Variants in NPR3 observed in about 807,000 individuals in gnomAD.
NPR3 encodes atrial natriuretic peptide receptor 3.
In NPR3, 34 loss-of-function variants were observed where a neutral mutation model predicts 54.5. The observed-to-expected ratio is 0.62, with a 90% CI of 0.47 to 0.83. The LOEUF is 0.83. Among genes scored for constraint, NPR3 ranks in the 40% least tolerant of loss-of-function variants. The pLI is 0.00. For synonymous variants in NPR3, 289 were observed against 297.1 expected (o/e 0.97, Z 0.28); for missense variants, 674 against 720.8 (o/e 0.94, Z 0.74).
intron 3 of NPR3, among the ~76,000 whole-genome samples, chr5:32,760,968 C>G (rs1741132679): frequency 6.6e-6 from 1 of 152,046 alleles, no homozygotes; most frequent in Non-Finnish European, 1.5e-5. Context: ...CGTCAAAACT[C>G]AAGTGACTAT....
rs111411637 is a variant in NPR3 at position 32,695,421 on chromosome 5, C to A, written c.100+6235C>A. Among the ~76,000 whole-genome samples the A allele has an allele frequency of 2.0e-5, 3 of 152,304 alleles. No individual in the cohort carries two copies. The South Asian group carries it at 6.2e-4, about 32-fold the overall frequency. On this transcript the variant is annotated intron_variant, in intron 1 of 5. Coordinates refer to the NPR3 transcript ENST00000509104. ...CTGGGACTACAGGTGCCCGCCACCACGCCCGCCCGGCTAATTTTTTGTACT... is the reference window on the plus strand; with the variant it reads ...CTGGGACTACAGGTGCCCGCCACCAAGCCCGCCCGGCTAATTTTTTGTACT...
chr5:32,703,121 G>A (rs1358411596), intron 1 of NPR3, among the ~76,000 whole-genome samples: 1 of 152,098 alleles, frequency 6.6e-6, no homozygotes, highest in South Asian at 2.1e-4. Context: ...TCAGGATTAT[G>A]ATGAGTACTT....
chr5:32,713,781 G>A (rs1738395268), intron 1 of NPR3, among the ~76,000 whole-genome samples: 1 of 152,376 alleles, frequency 6.6e-6, no homozygotes, highest in East Asian at 1.9e-4. Flanking sequence ...TAATGGCGCT[G>A]CTGTCACCGC....
intron 1 of NPR3, among the ~76,000 whole-genome samples, chr5:32,700,386 T>A (rs1374820727): frequency 6.6e-6 from 1 of 152,200 alleles, no homozygotes; most frequent in Non-Finnish European, 1.5e-5. Flanking sequence ...CATTGTTTTT[T>A]TAAATTCTTT....
chr5:32,703,856 C>T (rs1470439419), intron 1 of NPR3, among the ~76,000 whole-genome samples: 2 of 152,234 alleles, frequency 1.3e-5, no homozygotes, highest in Non-Finnish European at 2.9e-5. Flanking sequence ...CTTGGCCATC[C>T]TGGCTGGTGT....
At chr5:32,755,246 T>C (rs1478657133) in intron 3 of NPR3, among the ~76,000 whole-genome samples, 1 of 152,248 alleles carries the variant, frequency 6.6e-6, no homozygotes, top group Non-Finnish European at 1.5e-5. Context: ...ATTATATTCA[T>C]TTCGATCTTA....
intron 2 of NPR3, among the ~76,000 whole-genome samples, chr5:32,734,300 C>T (rs1367416121): frequency 2.0e-5 from 3 of 152,128 alleles, no homozygotes; most frequent in Admixed American, 1.3e-4. Context: ...GCTTAGCATT[C>T]ATTTTTTGGA....
At chr5:32,749,861 T>C (rs1355076863) in intron 3 of NPR3, among the ~76,000 whole-genome samples, 1 of 152,204 alleles carries the variant, frequency 6.6e-6, no homozygotes, top group Non-Finnish European at 1.5e-5. Context: ...CTTTCTTCTC[T>C]GTATAAGGTT....
chr5:32,712,055 G>A lies in NPR3; in HGVS notation c.279G>A (p.Leu93=). The change falls in exon 1 of 8, where the codon CTG becomes CTA. Residue 93 remains leucine, a synonymous_variant. Transcript: ENST00000265074. ...VEGNGTGRRL[L]PPGTRFQVAY... ...GCAACGGGACTGGGAGGCGGCTTCT[G>A]CCGCCGGGCACTCGCTTCCAGGTGG... is the stretch of plus-strand genomic sequence containing the variant. The A allele has an allele frequency of 6.2e-7, 1 of 1,613,842 alleles. No individual in the cohort carries two copies. Among genetic ancestry groups the A allele is most frequent in the Non-Finnish European group, 8.5e-7 (1 of 1,179,812 alleles).
intron 3 of NPR3, among the ~76,000 whole-genome samples, chr5:32,766,241 G>A (rs1223543979): frequency 6.6e-6 from 1 of 152,226 alleles, no homozygotes; most frequent in Non-Finnish European, 1.5e-5. Context: ...TAGCAGGAAG[G>A]GGACCAGCAG....
chr5:32,742,476 G>T (rs1490758602), intron 3 of NPR3, among the ~76,000 whole-genome samples: 2 of 151,874 alleles, frequency 1.3e-5, no homozygotes, highest in African/African-American at 2.4e-5. Flanking sequence ...AGTAAATAAG[G>T]TAATTTTTTA....
chr5:32,766,020 G>C (rs1741440670), intron 3 of NPR3, among the ~76,000 whole-genome samples: 1 of 152,204 alleles, frequency 6.6e-6, no homozygotes, highest in African/African-American at 2.4e-5. Context: ...CATCTGGTCT[G>C]GGAGAGCAGC....
In NPR3 at chr5:32,711,819, C is replaced by G; in HGVS notation, c.43C>G (p.Leu15Val). The change falls in exon 1 of 8, where the codon CTC (leucine) becomes GTC (valine). Residue 15 changes from leucine (L) to valine (V), a missense_variant. Leu to Val is a conservative substitution (Grantham distance 32). Coordinates refer to ENST00000265074, the MANE Select transcript of NPR3 (RefSeq NM_001204375.2). ...GCTCACTTTCTCCCCGTGCGTACTA[C>G]TCGGCTGGGCGTTGCTGGCCGGCGG... ...LVLTFSPCVLLGWALLAGGTG... is the reference protein window; with the variant it reads ...LVLTFSPCVLVGWALLAGGTG... 6.9e-7 allele frequency: 1 copy of G among 1,456,378 alleles called. No homozygotes were observed. The highest frequency in any genetic ancestry group is 1.5e-5 in the South Asian group (1 of 67,632). The allele number at this position is 1,456,378 out of a possible 1,614,324, so 90.2% of individuals were successfully genotyped here. A position where few individuals can be genotyped will look rare whatever the true frequency, so the allele number is the denominator to read the frequency against.
intron 1 of NPR3, among the ~76,000 whole-genome samples, chr5:32,714,777 A>G (rs1430239771): frequency 6.6e-6 from 1 of 152,184 alleles, no homozygotes; most frequent in Non-Finnish European, 1.5e-5. Flanking sequence ...CCTTTTAAAA[A>G]TACATTGAAG....
At chr5:32,755,416 T>G (rs16890235) in intron 3 of NPR3, among the ~76,000 whole-genome samples, 1 of 152,080 alleles carries the variant, frequency 6.6e-6, no homozygotes, top group Non-Finnish European at 1.5e-5. Context: ...AGCACACATA[T>G]AGTTAAGCCT....
chr5:32,749,301 AG>A (rs1408590474), intron 3 of NPR3, among the ~76,000 whole-genome samples: 1 of 152,168 alleles, frequency 6.6e-6, no homozygotes, highest in Non-Finnish European at 1.5e-5. Flanking sequence ...CTAAATCAGA[AG>A]GAAAAAAGAT....
upstream of NPR3, chr5:32,710,444 C>T: frequency 2.5e-6 from 1 of 396,234 alleles, no homozygotes; most frequent in South Asian, 6.0e-5. Context: ...TTTGTGACAC[C>T]TCCAGAAGTT....
intron 1 of NPR3, among the ~76,000 whole-genome samples, chr5:32,723,942 A>T (rs891943508): frequency 2.6e-5 from 4 of 151,782 alleles, no homozygotes; most frequent in African/African-American, 9.7e-5. Context: ...ATCATCTATC[A>T]ATCAATCAAT....
intron 1 of NPR3, among the ~76,000 whole-genome samples, chr5:32,695,074 A>G (rs1441393781): frequency 3.9e-5 from 6 of 152,182 alleles, no homozygotes; most frequent in Non-Finnish European, 7.3e-5. Flanking sequence ...TCCACTGTGC[A>G]TATTAACTAC....
Sources: gnomAD v4.1 joint callset for allele counts (sites outside exome capture counted in the v4.1 genomes callset) on GRCh38, gnomAD v4.1.1 for gene constraint, MANE v1.5 for transcripts, NCBI Gene and HGNC (gene_info 2026-07-23, HGNC 2026-07-21) for gene names.